The following SLC44A1 variants were observed in gnomAD, a reference collection of about 807,000 sequenced individuals.
SLC44A1 encodes the protein choline transporter-like protein 1.
In SLC44A1, 26 loss-of-function variants were observed where a neutral mutation model predicts 79.3. The observed-to-expected ratio is 0.33, with a 90% CI of 0.24 to 0.46. SLC44A1 has a LOEUF of 0.46. Ranked by LOEUF, SLC44A1 falls within the 20% of genes least tolerant of loss-of-function variation. The probability of loss-of-function intolerance (pLI) is 1.00; values close to 1 mark genes in which losing one functional copy is unlikely to be tolerated. For synonymous variants in SLC44A1, 263 were observed against 286.2 expected (o/e 0.92, Z 0.82); for missense variants, 688 against 798.1 (o/e 0.86, Z 1.66).
chr9:105,248,902 G>C (rs868863596), intron 1 of SLC44A1, among the ~76,000 whole-genome samples: 7 of 152,180 alleles, frequency 4.6e-5, no homozygotes, highest in African/African-American at 9.6e-5. Flanking sequence ...GCAAATTGCC[G>C]TAAGTCTTTG....
downstream of SLC44A1, among the ~76,000 whole-genome samples, chr9:105,400,682 G>A (rs920441472): frequency 2.6e-5 from 4 of 152,032 alleles, no homozygotes; most frequent in African/African-American, 9.7e-5. Context: ...TATTAAAATG[G>A]ATTAAAAAAT....
chr9:105,430,633 A>G (rs891790004), intron 15 of SLC44A1, among the ~76,000 whole-genome samples: 3 of 152,122 alleles, frequency 2.0e-5, no homozygotes, highest in African/African-American at 7.2e-5. Context: ...TAATGTTCTG[A>G]TGTGTGATAT....
At chr9:105,414,155 C>T (rs1285638192) in intron 15 of SLC44A1, among the ~76,000 whole-genome samples, 5 of 151,784 alleles carry the variant, frequency 3.3e-5, no homozygotes, top group African/African-American at 7.3e-5. Flanking sequence ...CTCTGCCTCC[C>T]GGGTTCGAGC....
At chr9:105,279,317 CTT>C (rs35697234) in intron 1 of SLC44A1, among the ~76,000 whole-genome samples, 24 of 133,292 alleles carry the variant, frequency 1.8e-4, no homozygotes, top group East Asian at 1.5e-3. Flanking sequence ...GAAAAGAAAA[CTT>C]TTTTTTTTTT....
chr9:105,324,183 T>G (rs1826495700), intron 3 of SLC44A1, among the ~76,000 whole-genome samples: 1 of 151,324 alleles, frequency 6.6e-6, no homozygotes, highest in African/African-American at 2.4e-5. Context: ...TTGTATGTGT[T>G]AGCCAGGATG....
At chr9:105,282,653 A>G (rs573999399) in intron 1 of SLC44A1, among the ~76,000 whole-genome samples, 1 of 152,234 alleles carries the variant, frequency 6.6e-6, no homozygotes, top group African/African-American at 2.4e-5. Flanking sequence ...GGTTCAACCA[A>G]TTCTCCTGCC....
At chr9:105,376,536 T>A (rs1588848652) in intron 13 of SLC44A1, among the ~76,000 whole-genome samples, 1 of 151,940 alleles carries the variant, frequency 6.6e-6, no homozygotes, top group East Asian at 1.9e-4. Flanking sequence ...ACCATGCCCA[T>A]CTAATTTTTG....
intron 3 of SLC44A1, among the ~76,000 whole-genome samples, chr9:105,334,011 C>G (rs1826833500): frequency 6.6e-6 from 1 of 152,136 alleles, no homozygotes; most frequent in South Asian, 2.1e-4. Flanking sequence ...CATGCTTAGT[C>G]AGACGCCCAG....
At chr9:105,353,579 A>G (rs1340778513) in intron 5 of SLC44A1, among the ~76,000 whole-genome samples, 1 of 152,202 alleles carries the variant, frequency 6.6e-6, no homozygotes, top group East Asian at 1.9e-4. Context: ...CAATGGAGAA[A>G]GTAAGAGAGA....
intron 15 of SLC44A1, among the ~76,000 whole-genome samples, chr9:105,410,823 A>T (rs372798209): frequency 6.6e-6 from 1 of 152,240 alleles, no homozygotes; most frequent in Non-Finnish European, 1.5e-5. Flanking sequence ...AAAATGTTGT[A>T]TATCCATACA....
chr9:105,320,563 T>G (rs1311921967), intron 3 of SLC44A1, among the ~76,000 whole-genome samples: 1 of 152,166 alleles, frequency 6.6e-6, no homozygotes, highest in African/African-American at 2.4e-5. Flanking sequence ...TTTTGTTATT[T>G]GTTACATTTT....
Position 105,390,176 on chromosome 9 carries a change from T to G in SLC44A1, c.*1120T>G. 8.4e-7 allele frequency: 1 copy of G among 1,195,486 alleles called. No homozygotes were observed. Among genetic ancestry groups the G allele is most frequent in the African/African-American group, 1.6e-5 (1 of 63,746 alleles). 74.1% of individuals were successfully genotyped at this position (1,195,486 alleles called of 1,614,324 possible). A position where few individuals can be genotyped will look rare whatever the true frequency, so the allele number is the denominator to read the frequency against. ...TGTGACTGTTGTTTTTGTTTGGGGG[T>G]GGGTTTGGGGTTTTTTGCTTTTTTA... On this transcript the variant is annotated 3_prime_UTR_variant, in exon 16 of 16. Transcript: ENST00000374720.
intron 13 of SLC44A1, among the ~76,000 whole-genome samples, chr9:105,382,714 T>A (rs559283154): frequency 6.6e-6 from 1 of 152,236 alleles, no homozygotes; most frequent in African/African-American, 2.4e-5. Context: ...TACTATTTCA[T>A]ATATGTGAAA....
At chr9:105,438,334 T>G in exon 16 of SLC44A1, 1 of 1,538,156 alleles carries the variant, frequency 6.5e-7, no homozygotes, top group Non-Finnish European at 8.8e-7. Context: ...TCAGAGGAGG[T>G]TGTTTACATG....
intron 2 of SLC44A1, among the ~76,000 whole-genome samples, chr9:105,304,473 G>A (rs991315119): frequency 1.3e-5 from 2 of 152,092 alleles, no homozygotes; most frequent in Admixed American, 6.5e-5. Flanking sequence ...CCATTTTTAA[G>A]TATGTAGTTC....
chr9:105,301,403 T>G (rs1306531547), intron 2 of SLC44A1, among the ~76,000 whole-genome samples: 1 of 152,244 alleles, frequency 6.6e-6, no homozygotes, highest in Non-Finnish European at 1.5e-5. Context: ...TTATTTGTTT[T>G]CGAATGATTC....
intron 4 of SLC44A1, among the ~76,000 whole-genome samples, chr9:105,343,430 G>A (rs1426570754): frequency 1.3e-5 from 2 of 152,062 alleles, no homozygotes; most frequent in African/African-American, 4.8e-5. Flanking sequence ...TTTGATTATT[G>A]TTATCTGGTT....
intron 1 of SLC44A1, among the ~76,000 whole-genome samples, chr9:105,255,093 G>GTTT (rs1168193382): frequency 0.023 from 3,303 of 140,882 alleles, 120 homozygotes; most frequent in African/African-American, 0.086. Context: ...TTACTTTCAG[G>GTTT]TTTTTTTGTT....
intron 1 of SLC44A1, among the ~76,000 whole-genome samples, chr9:105,249,774 A>G (rs1396588893): frequency 6.6e-6 from 1 of 150,580 alleles, no homozygotes; most frequent in African/African-American, 2.5e-5. Context: ...ACCTCAGATG[A>G]TCCACCCGCC....
Sources: gnomAD v4.1 joint callset for allele counts (sites outside exome capture counted in the v4.1 genomes callset) on GRCh38, gnomAD v4.1.1 for gene constraint, MANE v1.5 for transcripts, NCBI Gene and HGNC (gene_info 2026-07-23, HGNC 2026-07-21) for gene names.